ZBTB16: variants seen among roughly 807,000 people sequenced by gnomAD.
ZBTB16 encodes zinc finger and BTB domain-containing protein 16.
In ZBTB16, 8 loss-of-function variants were observed where a neutral mutation model predicts 56.8. The observed-to-expected ratio is 0.14, with a 90% confidence interval of 0.08 to 0.25. The LOEUF (loss-of-function observed/expected upper bound fraction) is 0.25, where lower values mean the gene tolerates loss of function less well. ZBTB16 is among the 10% of genes least tolerant of loss of function. The pLI is 1.00. For synonymous variants in ZBTB16, 363 were observed against 368.5 expected (o/e 0.98, Z 0.17); for missense variants, 625 against 903.0 (o/e 0.69, Z 3.95).
intron 2 of ZBTB16, among the ~76,000 whole-genome samples, chr11:114,077,545 G>A (rs982071320): frequency 2.0e-5 from 3 of 151,882 alleles, no homozygotes; most frequent in South Asian, 2.1e-4. Context: ...CAATTAGTCC[G>A]ACTCCTCCTC....
At chr11:114,208,040 C>T (rs77448543) in intron 4 of ZBTB16, among the ~76,000 whole-genome samples, 26,088 of 152,218 alleles carry the variant, frequency 0.17, 2,573 homozygotes, top group South Asian at 0.24. Flanking sequence ...TGAACCACCA[C>T]GCCTGGCCTT....
chr11:114,243,708 A>G (rs916593889), intron 5 of ZBTB16, among the ~76,000 whole-genome samples: 5 of 152,154 alleles, frequency 3.3e-5, no homozygotes, highest in African/African-American at 9.7e-5. Flanking sequence ...GCCTCCCTCA[A>G]CAGTTCCCCA....
At chr11:114,186,456 G>A (rs916340101) in intron 3 of ZBTB16, among the ~76,000 whole-genome samples, 1 of 152,126 alleles carries the variant, frequency 6.6e-6, no homozygotes, top group Non-Finnish European at 1.5e-5. Flanking sequence ...GGTTTTAAAT[G>A]GTCAGATGCA....
At chr11:114,157,555 G>GC (rs1942450900) in intron 3 of ZBTB16, among the ~76,000 whole-genome samples, 1 of 152,078 alleles carries the variant, frequency 6.6e-6, no homozygotes, top group Non-Finnish European at 1.5e-5. Context: ...GTCCCCATCC[G>GC]CTCGTTCCCT....
chr11:114,103,032 G>C (rs77401762), intron 2 of ZBTB16, among the ~76,000 whole-genome samples: 390 of 152,306 alleles, frequency 2.6e-3, no homozygotes, highest in Non-Finnish European at 4.2e-3. Flanking sequence ...TTATTTGAAG[G>C]CAAACATTAC....
At chr11:114,147,183 G>C (rs1942129908) in intron 2 of ZBTB16, among the ~76,000 whole-genome samples, 1 of 152,152 alleles carries the variant, frequency 6.6e-6, no homozygotes, top group African/African-American at 2.4e-5. Flanking sequence ...AATTCCAGAG[G>C]AACTTTCTTC....
chr11:114,152,492 G>A (rs544497692), intron 2 of ZBTB16, among the ~76,000 whole-genome samples: 1 of 152,312 alleles, frequency 6.6e-6, no homozygotes, highest in East Asian at 1.9e-4. Flanking sequence ...ACTGGTTAGA[G>A]GTTAATGTGT....
chr11:114,062,093 A>G (rs967197657), intron 1 of ZBTB16, among the ~76,000 whole-genome samples: 67 of 148,092 alleles, frequency 4.5e-4, no homozygotes, highest in Non-Finnish European at 7.6e-4. Flanking sequence ...GTGTGTGTAA[A>G]CACACACACA....
intron 3 of ZBTB16, among the ~76,000 whole-genome samples, chr11:114,168,469 G>A (rs921669161): frequency 6.6e-6 from 1 of 152,202 alleles, no homozygotes; most frequent in Non-Finnish European, 1.5e-5. Context: ...TGTGTTCCAG[G>A]CACAGTGCTA....
At position 114,064,401 on chromosome 11, in the gene ZBTB16, C is replaced by A; in HGVS notation, c.1101C>A (p.Asp367Glu). The change falls in exon 2 of 7, where the codon GAC (aspartate) becomes GAA (glutamate). Residue 367 changes from aspartate to glutamate, a missense_variant. Physicochemically the swap from Asp to Glu is conservative, Grantham distance 45. Transcript: ENST00000335953. The surrounding 1 kb of genome is among the most constrained non-coding windows in gnomAD (Gnocchi z 4.2). ...AGCCTGCCCTGGCTGTCTCCATGGA[C>A]TTCAGCACCTATGGGGGGCTGCTGC... is the stretch of plus-strand genomic sequence containing the variant. ...HVQPALAVSM[D>E]FSTYGGLLPQ... The A allele has an allele frequency of 6.2e-7, 1 of 1,614,128 alleles. No homozygotes were observed. The highest frequency in any genetic ancestry group is 8.5e-7 in the Non-Finnish European group (1 of 1,180,032).
In ZBTB16 at chr11:114,219,778, G is replaced by T. The variant is rs1194109436; in HGVS notation, c.1454-22389G>T. Among the ~76,000 whole-genome samples, 63 of 152,172 alleles carry T rather than the reference G, an allele frequency of 4.1e-4. 1 individual carries two copies. The highest frequency in any genetic ancestry group is 4.1e-3 in the Admixed American group (62 of 15,276). On this transcript the variant is annotated intron_variant, in intron 4 of 6. Transcript: ENST00000335953. ...CTGGGAAGCGTGCAGAGTGGTGTGG[G>T]GTGAGTTCAAGGGGAGCTATTAGGC...
intron 4 of ZBTB16, among the ~76,000 whole-genome samples, chr11:114,235,545 G>GGTCTGT (rs1944546887): frequency 6.6e-6 from 1 of 152,060 alleles, no homozygotes; most frequent in Admixed American, 6.6e-5. Flanking sequence ...AAATACCCTA[G>GGTCTGT]GTCTGTGTCA....
At chr11:114,245,922 A>G (rs543264749) in intron 5 of ZBTB16, among the ~76,000 whole-genome samples, 1 of 152,188 alleles carries the variant, frequency 6.6e-6, no homozygotes, top group South Asian at 2.1e-4. Flanking sequence ...TTAAATATTC[A>G]TGAACAAAGT....
At chr11:114,135,167 A>G (rs371357404) in intron 2 of ZBTB16, among the ~76,000 whole-genome samples, 2 of 152,228 alleles carry the variant, frequency 1.3e-5, no homozygotes, top group Non-Finnish European at 2.9e-5. Context: ...TTCCTGGCAT[A>G]CTGTGCCTGG....
At chr11:114,175,938 A>T (rs1248890435) in intron 3 of ZBTB16, among the ~76,000 whole-genome samples, 1 of 150,494 alleles carries the variant, frequency 6.6e-6, no homozygotes, top group Admixed American at 6.6e-5. Flanking sequence ...TCTTTTTTCC[A>T]TTGCCCAGCC....
Position 114,199,698 on chromosome 11 carries a change from T to C in ZBTB16, c.1453+12660T>C, listed in dbSNP as rs185656973. On this transcript the variant is annotated intron_variant, in intron 4 of 6. Coordinates refer to ENST00000335953, the MANE Select transcript of ZBTB16 (RefSeq NM_006006.6). ...GGAATTGGGCAAGAAAAGTACTGTT[T>C]GGGGGGTTCTGTGGTTCCAAGGACA... Among the ~76,000 whole-genome samples, 193 of 152,318 alleles carry C rather than the reference T, an allele frequency of 1.3e-3. 3 individuals are homozygous for C. The East Asian group carries it at 0.03, about 23-fold the overall frequency.
intron 4 of ZBTB16, among the ~76,000 whole-genome samples, chr11:114,207,114 G>A (rs984154858): frequency 7.2e-5 from 11 of 152,150 alleles, no homozygotes; most frequent in Non-Finnish European, 1.2e-4. Context: ...GGCCTCATGT[G>A]TTACATCCTA....
At chr11:114,073,992 T>A (rs2137678958) in intron 2 of ZBTB16, among the ~76,000 whole-genome samples, 1 of 152,370 alleles carries the variant, frequency 6.6e-6, no homozygotes, top group Middle Eastern at 3.4e-3. Context: ...TGGGTTTGAA[T>A]ACTAGTGCTC....
At chr11:114,121,034 C>CT (rs1450393940) in intron 2 of ZBTB16, among the ~76,000 whole-genome samples, 1 of 152,210 alleles carries the variant, frequency 6.6e-6, no homozygotes, top group Non-Finnish European at 1.5e-5. Flanking sequence ...GGGATGCTCA[C>CT]TTGCAGTTCG....
Sources: gnomAD v4.1 joint callset for allele counts (sites outside exome capture counted in the v4.1 genomes callset) on GRCh38, gnomAD v4.1.1 for gene constraint, Gnocchi (gnomAD v3.1) non-coding constraint, MANE v1.5 for transcripts, NCBI Gene and HGNC (gene_info 2026-07-23, HGNC 2026-07-21) for gene names.